Variants in TRA2B observed in about 807,000 individuals in gnomAD.
The protein encoded by TRA2B is transformer 2 beta homolog, also known as transformer-2 protein homolog beta.
In TRA2B, 14 loss-of-function variants were observed where a neutral mutation model predicts 41.7. That is an observed-to-expected ratio of 0.34 (90% CI 0.22 to 0.53). The LOEUF (loss-of-function observed/expected upper bound fraction) is 0.53. TRA2B is among the 20% of genes least tolerant of loss of function. The probability of loss-of-function intolerance (pLI) is 0.95; values close to 1 mark genes in which losing one functional copy is unlikely to be tolerated. For synonymous variants in TRA2B, 130 were observed against 128.8 expected (o/e 1.01, Z -0.06); for missense variants, 167 against 396.8 (o/e 0.42, Z 4.92).
chr3:185,916,076 G>T lies in TRA2B; in HGVS notation c.*1639C>A, dbSNP rs1743490842. The T allele has an allele frequency of 6.6e-6, 1 of 152,168 alleles. No homozygotes were observed. The highest frequency in any genetic ancestry group is 6.5e-5 in the Admixed American group (1 of 15,286). 9.4% of individuals were successfully genotyped at this position (152,168 alleles called of 1,614,324 possible). ...CTAAGTTGTTTCCACATGCTTATCA[G>T]AAACAAACCTAAGGGTAGTTCTCTA... On this transcript the variant is annotated 3_prime_UTR_variant, in exon 9 of 9. Transcript: ENST00000453386.
chr3:185,932,583 T>TC (rs1037042010), intron 1 of TRA2B, among the ~76,000 whole-genome samples: 2 of 152,134 alleles, frequency 1.3e-5, no homozygotes, highest in Non-Finnish European at 2.9e-5. Context: ...TTGTACATTT[T>TC]CCCCCTCAAT....
chr3:185,934,036 T>C (rs1429119989), intron 1 of TRA2B, among the ~76,000 whole-genome samples: 1 of 152,122 alleles, frequency 6.6e-6, no homozygotes, highest in Non-Finnish European at 1.5e-5. Context: ...AAGACTGTAA[T>C]TTGCTACAGT....
intron 1 of TRA2B, among the ~76,000 whole-genome samples, chr3:185,933,473 A>AT (rs1412638797): frequency 1.3e-5 from 2 of 152,166 alleles, no homozygotes; most frequent in Non-Finnish European, 2.9e-5. Flanking sequence ...TATCAACACA[A>AT]TTTTTGTTAA....
chr3:185,919,322 TCAAA>T (rs766105026), intron 7 of TRA2B, 111 bp downstream of exon 7: 13 of 735,138 alleles, frequency 1.8e-5, no homozygotes, highest in Non-Finnish European at 2.6e-5. Context: ...TTCATGAGCT[TCAAA>T]CAGTCTGATT....
chr3:185,916,244 C>T lies in TRA2B; in HGVS notation c.*1471G>A, dbSNP rs979019249. On this transcript the variant is annotated 3_prime_UTR_variant, in exon 9 of 9. Transcript: ENST00000453386. The stretch of plus-strand genomic sequence containing the variant: ...GTACCCAGATTTGAGACATCATGAT[C>T]AAGAGAACTGTGGACTAAGATCACC... 1 of 152,222 alleles carries T rather than the reference C, an allele frequency of 6.6e-6. No homozygotes were observed. The highest frequency in any genetic ancestry group is 1.5e-5 in the Non-Finnish European group (1 of 68,044). 9.4% of individuals were successfully genotyped at this position (152,222 alleles called of 1,614,324 possible). A position where few individuals can be genotyped will look rare whatever the true frequency, so the allele number is the denominator to read the frequency against.
Position 185,937,998 on chromosome 3 carries a change from G to A in TRA2B, c.-138C>T, listed in dbSNP as rs567880743. The A allele has an allele frequency of 7.4e-6, 7 of 949,506 alleles. No individual in the cohort carries two copies. The highest frequency in any genetic ancestry group is 2.9e-5 in the South Asian group (2 of 68,968). The allele number at this position is 949,506 out of a possible 1,614,324, so 58.8% of individuals were successfully genotyped here. The stretch of plus-strand genomic sequence containing the variant: ...GCTCAGAGCCGAAATGCTCCGCACC[G>A]CCTCCGCACGGGCTCTAACTCTACC... On this transcript the variant is annotated 5_prime_UTR_variant, in exon 1 of 9. Transcript: ENST00000453386.
chr3:185,925,203 G>A (rs1273631549), intron 3 of TRA2B: 9 of 351,428 alleles, frequency 2.6e-5, no homozygotes, highest in Non-Finnish European at 4.2e-5. Context: ...CTACAGTATA[G>A]TAATGCAGTC....
chr3:185,937,878 G>A lies in TRA2B; in HGVS notation c.-18C>T, dbSNP rs1744432145. On this transcript the variant is annotated 5_prime_UTR_variant, in exon 1 of 9. Coordinates refer to ENST00000453386, the MANE Select transcript of TRA2B (RefSeq NM_004593.3). ...TCGCTCATGACTCCTGGCTGCTGTCGCCGGTCGATGTGCTTCAATCGAAGC... is the reference window on the plus strand; with the variant it reads ...TCGCTCATGACTCCTGGCTGCTGTCACCGGTCGATGTGCTTCAATCGAAGC... 2 of 1,613,724 alleles carry A rather than the reference G, an allele frequency of 1.2e-6. No individual in the cohort carries two copies. Among genetic ancestry groups the A allele is most frequent in the East Asian group, 2.2e-5 (1 of 44,872 alleles).
At chr3:185,929,001 A>G (rs893116965) in intron 1 of TRA2B, 1 of 152,218 alleles carries the variant, frequency 6.6e-6, no homozygotes, top group Non-Finnish European at 1.5e-5. Context: ...CAGATACAAT[A>G]TTTCTGAAAT....
At position 185,936,824 on chromosome 3, in the gene TRA2B, C is replaced by G. The variant is rs1176793306; in HGVS notation, c.36+1001G>C. 4.1e-6 allele frequency: 4 copies of G among 985,182 alleles called. No homozygotes were observed. In the African/African-American group the frequency reaches 5.2e-5, roughly 13 times the overall value. 61.0% of individuals were successfully genotyped at this position (985,182 alleles called of 1,614,324 possible). A position where few individuals can be genotyped will look rare whatever the true frequency, so the allele number is the denominator to read the frequency against. On this transcript the variant is annotated intron_variant, in intron 1 of 8. Transcript: ENST00000453386. The stretch of plus-strand genomic sequence containing the variant: ...ATTCAATGCTTTCCGAATCCAATAC[C>G]CAGAGCCCCACAGACCAGCTACGTA...
intron 1 of TRA2B, among the ~76,000 whole-genome samples, chr3:185,931,166 T>C (rs1664927754): frequency 5.9e-5 from 9 of 152,120 alleles, no homozygotes. Flanking sequence ...CCTTTGAAAA[T>C]GGTTTAACAG....
intron 1 of TRA2B, chr3:185,929,070 CA>C (rs1744055757): frequency 6.6e-6 from 1 of 152,140 alleles, no homozygotes; most frequent in Non-Finnish European, 1.5e-5. Context: ...ATTTTGTAAG[CA>C]ATCATTTCTT....
intron 3 of TRA2B, chr3:185,925,214 G>A (rs1435788765): frequency 2.7e-5 from 10 of 367,862 alleles, no homozygotes; most frequent in African/African-American, 6.2e-5. Context: ...TAATGCAGTC[G>A]GAAGTTTTTT....
chr3:185,934,444 G>C, intron 1 of TRA2B: 1 of 985,354 alleles, frequency 1.0e-6, no homozygotes, highest in Non-Finnish European at 1.2e-6. Flanking sequence ...AAAATCACCT[G>C]TAATGTCAGC....
At chr3:185,919,816 T>C (rs1454671212) in intron 6 of TRA2B, among the ~76,000 whole-genome samples, 2 of 152,188 alleles carry the variant, frequency 1.3e-5, no homozygotes, top group African/African-American at 2.4e-5. Flanking sequence ...AGGGTTTTCA[T>C]GGGTGATAAA....
intron 6 of TRA2B, 61 bp downstream of exon 6, chr3:185,921,043 T>C (rs780679307): frequency 1.8e-5 from 26 of 1,415,592 alleles, no homozygotes; most frequent in Admixed American, 3.5e-5. Context: ...AACTTAAGCA[T>C]AGTGCTGCTC....
intron 5 of TRA2B, among the ~76,000 whole-genome samples, chr3:185,921,724 A>G (rs1391897381): frequency 2.6e-5 from 4 of 152,228 alleles, no homozygotes; most frequent in Non-Finnish European, 5.9e-5. Context: ...AGATTGCACC[A>G]TCGCACTCCA....
At chr3:185,931,354 A>C (rs1189468826) in intron 1 of TRA2B, among the ~76,000 whole-genome samples, 1 of 152,168 alleles carries the variant, frequency 6.6e-6, no homozygotes, top group African/African-American at 2.4e-5. Flanking sequence ...GCCCACTGTT[A>C]CCCATGCTGG....
rs1210049178 is a variant in TRA2B at position 185,921,201 on chromosome 3, A to T, written c.639-14T>A. 2 of 1,612,470 alleles carry T rather than the reference A, an allele frequency of 1.2e-6. No homozygotes were observed. The highest frequency in any genetic ancestry group is 1.7e-6 in the Non-Finnish European group (2 of 1,178,770). On this transcript the variant is annotated splice_polypyrimidine_tract_variant and intron_variant, in intron 5 of 8. Coordinates refer to ENST00000453386, the MANE Select transcript of TRA2B (RefSeq NM_004593.3). ...CGAGAGCTGCCACTATGAAGAAAAA[A>T]ATATTCAGGTGACCTCCCTTATCTT...
Sources: allele counts gnomAD v4.1 joint callset (sites outside exome capture counted in the v4.1 genomes callset), GRCh38; gene constraint gnomAD v4.1.1; transcripts MANE v1.5; gene names NCBI Gene and HGNC (gene_info 2026-07-23, HGNC 2026-07-21).